Variants in LHX8 observed in about 807,000 individuals in gnomAD.
LHX8 encodes the protein LIM homeobox 8.
Under a neutral mutation model 40.3 loss-of-function variants are expected in LHX8, and 12 were observed. The observed-to-expected ratio is 0.30, with a 90% CI of 0.19 to 0.48. LHX8 has a LOEUF of 0.48. Among genes scored for constraint, LHX8 ranks in the 20% least tolerant of loss-of-function variants. The probability of loss-of-function intolerance (pLI) is 0.99; values close to 1 mark genes in which losing one functional copy is unlikely to be tolerated. For synonymous variants in LHX8, 179 were observed against 162.0 expected (o/e 1.10, Z -0.80); for missense variants, 344 against 433.7 (o/e 0.79, Z 1.84).
chr1:75,160,847 G>T lies in LHX8; in HGVS notation c.993G>T (p.Gln331His). 1 of 1,613,154 alleles carries T rather than the reference G, an allele frequency of 6.2e-7. No individual in the cohort carries two copies. Among genetic ancestry groups the T allele is most frequent in the Non-Finnish European group, 8.5e-7 (1 of 1,179,254 alleles). Residue 331 changes from glutamine to histidine, a missense_variant, in exon 9 of 9, where the codon CAG becomes CAT. Around this residue, in one of 3 missense-constraint regions of LHX8, gnomAD observed 89 missense variants for 92.8 expected, o/e 0.96. Coordinates refer to ENST00000356261, the MANE Select transcript of LHX8 (RefSeq NM_001256114.2). ...DAHSPTTLGL[Q>H]PLLPHSMTQL... ...ATTCACCAACAACTCTTGGACTCCAGCCCTTGTTACCCCATTCAATGACAC... is the reference window on the plus strand; with the variant it reads ...ATTCACCAACAACTCTTGGACTCCATCCCTTGTTACCCCATTCAATGACAC...
intron 1 of LHX8, among the ~76,000 whole-genome samples, chr1:75,135,686 G>A (rs1427605499): frequency 6.6e-6 from 1 of 152,224 alleles, no homozygotes; most frequent in Non-Finnish European, 1.5e-5. Flanking sequence ...TTTCGTTTAA[G>A]AACAAAACTC....
chr1:75,152,707 C>T (rs772634309), intron 7 of LHX8, among the ~76,000 whole-genome samples: 16 of 152,166 alleles, frequency 1.1e-4, no homozygotes, highest in Non-Finnish European at 1.8e-4. Context: ...CATGAAATCT[C>T]TTTGCCTTTG....
At chr1:75,141,164 T>A in intron 4 of LHX8, 58 bp downstream of exon 4, 2 of 1,569,862 alleles carry the variant, frequency 1.3e-6, no homozygotes, top group Non-Finnish European at 8.7e-7. Flanking sequence ...GCAAAGAGAC[T>A]TTTGTAATAG....
chr1:75,190,623 G>A, the LHX8 span, among the ~76,000 whole-genome samples: 20 of 152,094 alleles, frequency 1.3e-4, no homozygotes, highest in African/African-American at 4.8e-4. Context: ...AACAAACCAT[G>A]AAAACATCAT....
At chr1:75,183,449 C>A in the LHX8 span, among the ~76,000 whole-genome samples, 1 of 151,894 alleles carries the variant, frequency 6.6e-6, no homozygotes, top group Admixed American at 6.6e-5. Context: ...ACCTTACAAG[C>A]CAGAAGAGAT....
At chr1:75,177,392 C>A in the LHX8 span, among the ~76,000 whole-genome samples, 1 of 152,138 alleles carries the variant, frequency 6.6e-6, no homozygotes, top group Non-Finnish European at 1.5e-5. Context: ...TCCTTCACAT[C>A]CCTTGTAAGT....
intron 8 of LHX8, among the ~76,000 whole-genome samples, chr1:75,158,731 T>G (rs769731622): frequency 6.6e-6 from 1 of 152,198 alleles, no homozygotes; most frequent in Non-Finnish European, 1.5e-5. Flanking sequence ...GTGTTGCTAC[T>G]TAATCATTCT....
chr1:75,168,998 T>C, the LHX8 span, among the ~76,000 whole-genome samples: 1 of 152,180 alleles, frequency 6.6e-6, no homozygotes, highest in African/African-American at 2.4e-5. Context: ...AAAAGATGTG[T>C]TTAAAACCTA....
At chr1:75,136,301 A>G (rs1304415513) in intron 1 of LHX8, among the ~76,000 whole-genome samples, 1 of 151,914 alleles carries the variant, frequency 6.6e-6, no homozygotes, top group East Asian at 1.9e-4. Context: ...GATTGTTATT[A>G]ACTTGTTATC....
chr1:75,169,016 A>G, the LHX8 span, among the ~76,000 whole-genome samples: 2 of 152,136 alleles, frequency 1.3e-5, no homozygotes, highest in African/African-American at 4.8e-5. Flanking sequence ...CTAAATTAGA[A>G]CTTTTCTGTT....
chr1:75,196,998 GACTA>G, the LHX8 span, among the ~76,000 whole-genome samples: 4 of 152,130 alleles, frequency 2.6e-5, no homozygotes, highest in African/African-American at 9.6e-5. Flanking sequence ...ATATGCCCAA[GACTA>G]ACATATGAAA....
chr1:75,193,076 T>G, the LHX8 span, among the ~76,000 whole-genome samples: 1 of 152,228 alleles, frequency 6.6e-6, no homozygotes. Context: ...TAATATGCTT[T>G]TCCAGCTGCC....
At chr1:75,189,892 T>C in the LHX8 span, among the ~76,000 whole-genome samples, 2 of 152,244 alleles carry the variant, frequency 1.3e-5, no homozygotes, top group Non-Finnish European at 2.9e-5. Context: ...TGAATGACTA[T>C]TGGCCATTTA....
chr1:75,165,492 G>C (rs1184289985), downstream of LHX8, among the ~76,000 whole-genome samples: 1 of 152,182 alleles, frequency 6.6e-6, no homozygotes. Flanking sequence ...ATCAAGTACA[G>C]TACTTACCAC....
the LHX8 span, among the ~76,000 whole-genome samples, chr1:75,185,174 T>C: frequency 1.3e-3 from 195 of 151,470 alleles, 1 homozygote; most frequent in Non-Finnish European, 2.1e-3. Flanking sequence ...TTCTACCATA[T>C]GTACAAAGAA....
the LHX8 span, among the ~76,000 whole-genome samples, chr1:75,169,447 A>G: frequency 1.3e-5 from 2 of 152,166 alleles, no homozygotes; most frequent in African/African-American, 2.4e-5. Flanking sequence ...TGTCAACCCT[A>G]CGTCAAGAAG....
intron 7 of LHX8, among the ~76,000 whole-genome samples, chr1:75,151,299 T>A (rs890398472): frequency 2.4e-4 from 37 of 152,180 alleles, no homozygotes; most frequent in African/African-American, 8.4e-4. Flanking sequence ...GTTCTACCAC[T>A]TCAGCACTTT....
the LHX8 span, among the ~76,000 whole-genome samples, chr1:75,186,013 G>C: frequency 6.6e-6 from 1 of 152,066 alleles, no homozygotes; most frequent in Non-Finnish European, 1.5e-5. Flanking sequence ...TCTACCTTGA[G>C]AATTACAAAA....
At chr1:75,137,058 A>AGG in intron 2 of LHX8, 42 bp from the exon 3 acceptor site, 2 of 1,557,292 alleles carry the variant, frequency 1.3e-6, no homozygotes, top group Non-Finnish European at 8.7e-7. Flanking sequence ...TGCGAAGGGG[A>AGG]GGAGGGGTCT....
Sources: allele counts gnomAD v4.1 joint callset (sites outside exome capture counted in the v4.1 genomes callset), GRCh38; gene constraint gnomAD v4.1.1; regional missense constraint gnomAD v4.1.1; transcripts MANE v1.5; gene names NCBI Gene and HGNC (gene_info 2026-07-23, HGNC 2026-07-21).